Variants in AR observed in about 807,000 individuals in gnomAD.
AR encodes the protein androgen receptor, also known as dihydrotestosterone receptor.
A neutral mutation model predicts 53.9 loss-of-function variants in AR; 8 were observed. The ratio of observed to expected loss-of-function variants is 0.15; its 90% CI spans 0.09 to 0.27. AR has a LOEUF of 0.27. Ranked by LOEUF, AR falls within the 10% of genes least tolerant of loss-of-function variation. AR has a pLI of 1.00. For missense variants in AR, 639 were observed against 742.5 expected, an observed-to-expected ratio of 0.86 and a Z score of 1.62; for synonymous variants, 359 against 316.4, an observed-to-expected ratio of 1.13 and a Z score of -1.43.
intron 1 of AR, among the ~76,000 whole-genome samples, chrX:67,596,582 C>T (rs942875290): frequency 8.9e-6 from 1 of 112,099 alleles, no homozygotes; most frequent in Non-Finnish European, 1.9e-5. Flanking sequence ...TGGATTCTGC[C>T]TTCCTCAGTG....
intron 2 of AR, among the ~76,000 whole-genome samples, chrX:67,665,947 G>A (rs1927241337): frequency 9.0e-6 from 1 of 110,998 alleles, no homozygotes; most frequent in South Asian, 3.8e-4. Flanking sequence ...GTACAAAGTA[G>A]GTGTATATAT....
chrX:67,666,300 G>A (rs35847971), intron 2 of AR, among the ~76,000 whole-genome samples: 9,222 of 111,145 alleles, frequency 0.083, 300 homozygotes, highest in African/African-American at 0.12. Context: ...ACAAATATGT[G>A]AGAAAATGCC....
intron 2 of AR, among the ~76,000 whole-genome samples, chrX:67,675,861 T>C (rs2075896952): frequency 9.0e-6 from 1 of 111,398 alleles, no homozygotes; most frequent in African/African-American, 3.3e-5. Flanking sequence ...AGGCTTCTCT[T>C]TGGCCATCTT....
At chrX:67,709,818 A>C (rs1325868728) in intron 3 of AR, among the ~76,000 whole-genome samples, 1 of 112,217 alleles carries the variant, frequency 8.9e-6, no homozygotes, top group Non-Finnish European at 1.9e-5. Flanking sequence ...ATGTGTATTC[A>C]ATGGGAAATG....
intron 1 of AR, among the ~76,000 whole-genome samples, chrX:67,580,866 A>G (rs182503598): frequency 1.1e-4 from 12 of 111,571 alleles, no homozygotes; most frequent in South Asian, 3.7e-4. Context: ...TCACTCCTAT[A>G]TACATTCCCA....
intron 2 of AR, among the ~76,000 whole-genome samples, chrX:67,660,369 C>G (rs1213145820): frequency 9.0e-6 from 1 of 111,660 alleles, no homozygotes. Context: ...AGTCTTTAAT[C>G]CATCTTGAAT....
intron 1 of AR, among the ~76,000 whole-genome samples, chrX:67,608,779 A>G (rs980030327): frequency 4.5e-5 from 5 of 111,986 alleles, no homozygotes; most frequent in African/African-American, 1.6e-4. Flanking sequence ...TTGTCCATGA[A>G]CATGTGTTTT....
At chrX:67,721,453 G>A (rs1244939802) in intron 5 of AR, among the ~76,000 whole-genome samples, 2 of 111,617 alleles carry the variant, frequency 1.8e-5, no homozygotes, top group African/African-American at 6.5e-5. Flanking sequence ...TCTCATTCTG[G>A]CTGTAGCTGA....
intron 2 of AR, among the ~76,000 whole-genome samples, chrX:67,674,431 T>A (rs1295410088): frequency 9.0e-6 from 1 of 110,876 alleles, no homozygotes; most frequent in Non-Finnish European, 1.9e-5. Context: ...TTCAGGGTGA[T>A]GAGTTCCTCA....
chrX:67,682,834 A>T (rs1179750855), intron 2 of AR, among the ~76,000 whole-genome samples: 2 of 112,035 alleles, frequency 1.8e-5, no homozygotes, highest in Non-Finnish European at 3.8e-5. Context: ...CTTTGTCCTT[A>T]AACCAAATTG....
Position 67,724,767 on chromosome X carries a change from T to C in AR, c.*926T>C, listed in dbSNP as rs989254089. On this transcript the variant is annotated 3_prime_UTR_variant, in exon 8 of 8. Coordinates refer to ENST00000374690, the MANE Select transcript of AR (RefSeq NM_000044.6). ...TCTGCCTCCAACTTCAGATTGACTT[T>C]CAATAGTTTTTCTAAGACCTTTGAA... The C allele has an allele frequency of 5.8e-6, 1 of 173,904 alleles. No individual in the cohort carries two copies. Among genetic ancestry groups the C allele is most frequent in the Non-Finnish European group, 1.1e-5 (1 of 91,541 alleles). 14.3% of individuals were successfully genotyped at this position (173,904 alleles called of 1,213,427 possible).
At chrX:67,702,098 A>T (rs148575100) in intron 3 of AR, among the ~76,000 whole-genome samples, 7,376 of 111,302 alleles carry the variant, frequency 0.066, 618 homozygotes, top group African/African-American at 0.23. Context: ...TTGGGTTCTC[A>T]CCTTTTTTAT....
At chrX:67,566,534 A>T (rs1007721327) in intron 1 of AR, among the ~76,000 whole-genome samples, 1 of 111,166 alleles carries the variant, frequency 9.0e-6, no homozygotes, top group African/African-American at 3.3e-5. Flanking sequence ...CTGTGTGTGT[A>T]TTTGTGTGTG....
At chrX:67,670,012 T>A (rs1227270074) in intron 2 of AR, among the ~76,000 whole-genome samples, 2 of 100,872 alleles carry the variant, frequency 2.0e-5, no homozygotes, top group Admixed American at 2.2e-4. Context: ...TATTTTTTAA[T>A]AAGAACAATT....
At chrX:67,705,179 G>A (rs1179349949) in intron 3 of AR, among the ~76,000 whole-genome samples, 2 of 111,401 alleles carry the variant, frequency 1.8e-5, no homozygotes, top group African/African-American at 6.5e-5. Context: ...CCAATTCTGT[G>A]GAGAAAGTCA....
At chrX:67,550,056 G>A (rs1438081087) in intron 1 of AR, among the ~76,000 whole-genome samples, 1 of 111,650 alleles carries the variant, frequency 9.0e-6, no homozygotes. Context: ...CAGCAAATAG[G>A]TGGTGAGTTC....
chrX:67,703,369 G>A (rs1021494766), intron 3 of AR, among the ~76,000 whole-genome samples: 13 of 111,907 alleles, frequency 1.2e-4, no homozygotes, highest in Admixed American at 3.8e-4. Context: ...AGTAAGCATC[G>A]GAATGCCTAA....
chrX:67,699,799 A>G (rs1224438263), intron 3 of AR, among the ~76,000 whole-genome samples: 1 of 111,060 alleles, frequency 9.0e-6, no homozygotes, highest in African/African-American at 3.3e-5. Flanking sequence ...CAAACTTCCT[A>G]AGACTTTGGA....
chrX:67,566,579 G>A (rs1283720982), intron 1 of AR, among the ~76,000 whole-genome samples: 2 of 111,555 alleles, frequency 1.8e-5, no homozygotes, highest in African/African-American at 3.3e-5. Flanking sequence ...ATGGGGCTGC[G>A]AGATTGTTAA....
Sources: allele counts gnomAD v4.1 joint callset (sites outside exome capture counted in the v4.1 genomes callset), GRCh38; gene constraint gnomAD v4.1.1; transcripts MANE v1.5; gene names NCBI Gene and HGNC (gene_info 2026-07-23, HGNC 2026-07-21).